Variants in TAS1R1 observed in about 807,000 individuals in gnomAD.
The protein encoded by TAS1R1 is taste 1 receptor member 1, also known as taste receptor type 1 member 1.
In TAS1R1, 31 loss-of-function variants were observed where a neutral mutation model predicts 45.8. That is an observed-to-expected ratio of 0.68 (90% CI 0.51 to 0.91). The LOEUF (loss-of-function observed/expected upper bound fraction) is 0.91. TAS1R1 is among the 40% of genes least tolerant of loss of function. The pLI is 0.00. For synonymous variants in TAS1R1, 437 were observed against 448.4 expected, an observed-to-expected ratio of 0.97 and a Z score of 0.32; for missense variants, 1,051 against 1,063.9, an observed-to-expected ratio of 0.99 and a Z score of 0.17.
At chr1:6,577,139 C>T in intron 5 of TAS1R1, 69 bp downstream of exon 5, 2 of 1,596,168 alleles carry the variant, frequency 1.3e-6, no homozygotes, top group Non-Finnish European at 1.7e-6. Context: ...GGAGGGCCTC[C>T]CTTGGGCCCC....
At chr1:6,567,158 A>G (rs1253480172) in intron 1 of TAS1R1, among the ~76,000 whole-genome samples, 1 of 152,162 alleles carries the variant, frequency 6.6e-6, no homozygotes, top group Admixed American at 6.5e-5. Flanking sequence ...ATGGTATTGA[A>G]TAGGGAACAA....
chr1:6,566,586 G>T (rs1172644503), intron 1 of TAS1R1, among the ~76,000 whole-genome samples: 2 of 152,082 alleles, frequency 1.3e-5, no homozygotes, highest in Non-Finnish European at 2.9e-5. Flanking sequence ...GGGGTATTGG[G>T]GGATGTTGGG....
chr1:6,561,677 C>T (rs772700121), intron 1 of TAS1R1, among the ~76,000 whole-genome samples: 2 of 150,196 alleles, frequency 1.3e-5, no homozygotes, highest in Middle Eastern at 3.4e-3. Context: ...CTCGCGCCAC[C>T]GCACTCCAGC....
At chr1:6,555,825 C>T (rs1317613106) in intron 1 of TAS1R1, among the ~76,000 whole-genome samples, 1 of 149,144 alleles carries the variant, frequency 6.7e-6, no homozygotes, top group African/African-American at 2.4e-5. Flanking sequence ...TGTACCATAC[C>T]TAGGTGGCCA....
chr1:6,561,861 G>A (rs3908553), intron 1 of TAS1R1, among the ~76,000 whole-genome samples: 17,455 of 152,232 alleles, frequency 0.11, 1,051 homozygotes, highest in East Asian at 0.16. Flanking sequence ...ACACCAGGCC[G>A]TGGGGGCTAC....
rs1218543479 is a variant in TAS1R1 at position 6,579,073 on chromosome 1, C to T, written c.2015C>T (p.Ala672Val). 2 of 1,613,542 alleles carry T rather than the reference C, an allele frequency of 1.2e-6. No individual in the cohort carries two copies. Among genetic ancestry groups the T allele is most frequent in the Admixed American group, 1.7e-5 (1 of 59,992 alleles). The stretch of plus-strand genomic sequence containing the variant: ...ACCAAGGTACCTACATTCTACCACG[C>T]CTGGGTCCAAAACCACGGTGCTGGC... ...FSTKVPTFYH[A>V]WVQNHGAGLF... Residue 672 changes from alanine (A) to valine (V), a missense_variant, in exon 6 of 6, where the codon GCC (alanine) becomes GTC (valine). Coordinates refer to ENST00000333172, the MANE Select transcript of TAS1R1 (RefSeq NM_138697.4).
intron 5 of TAS1R1, 30 bp from the exon 6 acceptor site, chr1:6,578,623 C>G: frequency 6.5e-7 from 1 of 1,528,968 alleles, no homozygotes; most frequent in Non-Finnish European, 8.8e-7. Flanking sequence ...TCATCTGGCT[C>G]TCAGGAACCT....
rs1640304908 is a variant in TAS1R1, at chr1:6,579,263, TG to T, written c.2207del (p.Gly736AlafsTer58). ...LGFILAFLYN[G>X]LLSISAFACS... The stretch of plus-strand genomic sequence containing the variant: ...GCTTCATACTGGCCTTCCTCTACAA[TG>T]GCCTCCTCTCCATCAGTGCCTTTGC... On this transcript the variant is annotated frameshift_variant, in exon 6 of 6. Coordinates refer to ENST00000333172, the MANE Select transcript of TAS1R1 (RefSeq NM_138697.4). LOFTEE classifies it low-confidence loss of function (END_TRUNC). The T allele has an allele frequency of 6.2e-7, 1 of 1,614,110 alleles. No individual in the cohort carries two copies. Among genetic ancestry groups the T allele is most frequent in the Non-Finnish European group, 8.5e-7 (1 of 1,180,050 alleles).
At chr1:6,555,866 C>CTTTTTTTTT (rs770363613) in intron 1 of TAS1R1, among the ~76,000 whole-genome samples, 5,664 of 95,088 alleles carry the variant, frequency 0.06, 255 homozygotes, top group Non-Finnish European at 0.078. Flanking sequence ...TTTCCCTCTT[C>CTTTTTTTTT]TTTTTTTTTT....
chr1:6,555,866 C>CTTTTTTTTTTTTTTTT (rs770363613), intron 1 of TAS1R1, among the ~76,000 whole-genome samples: 1 of 95,304 alleles, frequency 1.0e-5, no homozygotes, highest in Non-Finnish European at 2.0e-5. Context: ...TTTCCCTCTT[C>CTTTTTTTTTTTTTTTT]TTTTTTTTTT....
rs749656482 is a variant in TAS1R1, at chr1:6,579,543, G to C, written c.2485G>C (p.Ala829Pro). 1.2e-5 allele frequency: 19 copies of C among 1,612,334 alleles called. 1 individual carries two copies. The highest frequency in any genetic ancestry group is 1.6e-5 in the Non-Finnish European group (19 of 1,179,986). ...CCTCAACAGCACAGAGCACTTCCAG[G>C]CCTCCATTCAGGACTACACGAGGCG... The part of the protein sequence containing the change: ...PDLNSTEHFQ[A>P]SIQDYTRRCG... The change falls in exon 6 of 6, where the codon GCC becomes CCC. Residue 829 changes from alanine (A) to proline (P), a missense_variant. Coordinates refer to ENST00000333172, the MANE Select transcript of TAS1R1 (RefSeq NM_138697.4).
intron 1 of TAS1R1, among the ~76,000 whole-genome samples, chr1:6,565,604 GT>G (rs1038669044): frequency 1.3e-5 from 2 of 151,980 alleles, no homozygotes; most frequent in African/African-American, 4.8e-5. Context: ...TTACAAGGGC[GT>G]TTTTTGTTTG....
intron 1 of TAS1R1, among the ~76,000 whole-genome samples, chr1:6,557,332 G>C (rs576756749): frequency 6.6e-6 from 1 of 152,176 alleles, no homozygotes; most frequent in South Asian, 2.1e-4. Context: ...CCTCCGTTGA[G>C]AGACTCGGGA....
chr1:6,575,085 T>C lies in TAS1R1; in HGVS notation c.953T>C (p.Ile318Thr), dbSNP rs754592015. The part of the protein sequence containing the change: ...HITGVPGIQR[I>T]GMVLGVAIQK... ...ACTGGGGTGCCCGGGATCCAGCGCA[T>C]TGGGATGGTGCTGGGCGTGGCCATC... Residue 318 changes from isoleucine to threonine, a missense_variant, in exon 3 of 6, where the codon ATT becomes ACT. Coordinates refer to ENST00000333172, the MANE Select transcript of TAS1R1 (RefSeq NM_138697.4). The C allele has an allele frequency of 5.7e-6, 9 of 1,590,652 alleles. No individual in the cohort carries two copies. The highest frequency in any genetic ancestry group is 2.2e-5 in the East Asian group (1 of 44,710).
intron 1 of TAS1R1, among the ~76,000 whole-genome samples, chr1:6,566,756 T>C (rs771148067): frequency 1.3e-5 from 2 of 152,222 alleles, no homozygotes; most frequent in Admixed American, 6.5e-5. Flanking sequence ...CCACTGCGCC[T>C]GGCTAATTTT....
chr1:6,567,545 G>A (rs1385930195), intron 1 of TAS1R1, among the ~76,000 whole-genome samples: 4 of 141,606 alleles, frequency 2.8e-5, no homozygotes. Flanking sequence ...GGGCGACAGA[G>A]TGAGACTCCG....
intron 1 of TAS1R1, among the ~76,000 whole-genome samples, chr1:6,558,063 C>G (rs1421135461): frequency 8.3e-6 from 1 of 120,368 alleles, no homozygotes; most frequent in African/African-American, 3.9e-5. Context: ...TGTTTTTTTT[C>G]TGAGACAGGG....
chr1:6,579,562 C>G lies in TAS1R1; in HGVS notation c.2504C>G (p.Thr835Arg), dbSNP rs551787378. The G allele has an allele frequency of 1.9e-6, 3 of 1,607,424 alleles. No individual in the cohort carries two copies. The highest frequency in any genetic ancestry group is 1.3e-5 in the African/African-American group (1 of 75,020). The part of the protein sequence containing the change: ...EHFQASIQDY[T>R]RRCGST The stretch of plus-strand genomic sequence containing the variant: ...TTCCAGGCCTCCATTCAGGACTACA[C>G]GAGGCGCTGCGGCTCCACCTGACCA... The change falls in exon 6 of 6, where the codon ACG (threonine) becomes AGG (arginine). Residue 835 changes from threonine (T) to arginine (R), a missense_variant. Thr to Arg is a moderately conservative substitution (Grantham distance 71, BLOSUM62 -1). Transcript: ENST00000333172.
chr1:6,579,636 G>T lies in TAS1R1; in HGVS notation c.*52G>T. 6.4e-7 allele frequency: 1 copy of T among 1,552,518 alleles called. No individual in the cohort carries two copies. The highest frequency in any genetic ancestry group is 1.8e-4 in the Middle Eastern group (1 of 5,542). ...AGCCTTCTCTGCCCTGAGGGTCGAA[G>T]GTCGAGCAGGCCGGGGGTGTCCGGG... On this transcript the variant is annotated 3_prime_UTR_variant, in exon 6 of 6. Transcript: ENST00000333172.
Sources: gnomAD v4.1 joint callset for allele counts (sites outside exome capture counted in the v4.1 genomes callset) on GRCh38, gnomAD v4.1.1 for gene constraint, MANE v1.5 for transcripts, NCBI Gene and HGNC (gene_info 2026-07-23, HGNC 2026-07-21) for gene names.